The following LPIN1 variants were observed in gnomAD, a reference collection of about 807,000 sequenced individuals.
The protein encoded by LPIN1 is lipin 1, also known as phosphatidate phosphatase LPIN1.
LPIN1 carries 71 observed loss-of-function variants against 107.5 expected under a neutral mutation model. The ratio of observed to expected loss-of-function variants is 0.66; its 90% CI spans 0.55 to 0.80. The LOEUF (loss-of-function observed/expected upper bound fraction) is 0.80. Ranked by LOEUF, LPIN1 falls within the 30% of genes least tolerant of loss-of-function variation. The pLI is 0.00. For missense variants in LPIN1, 1,043 were observed against 1,160.6 expected, an observed-to-expected ratio of 0.90 and a Z score of 1.47; for synonymous variants, 445 against 452.6, an observed-to-expected ratio of 0.98 and a Z score of 0.21.
At chr2:11,822,187 T>G (rs1681640316) in intron 20 of LPIN1, among the ~76,000 whole-genome samples, 2 of 151,442 alleles carry the variant, frequency 1.3e-5, no homozygotes, top group African/African-American at 4.9e-5. Context: ...TCCCAGCACT[T>G]TGGGAGGCCG....
chr2:11,798,949 T>C (rs540434479), intron 14 of LPIN1, among the ~76,000 whole-genome samples: 6 of 152,368 alleles, frequency 3.9e-5, no homozygotes, highest in African/African-American at 1.4e-4. Flanking sequence ...CAGCTACTCT[T>C]CTGTGCACAC....
intron 17 of LPIN1, among the ~76,000 whole-genome samples, chr2:11,814,094 G>A (rs1487423124): frequency 2.0e-5 from 3 of 152,100 alleles, no homozygotes; most frequent in Middle Eastern, 3.2e-3. Context: ...AACCCTGGGC[G>A]CTTGTGCGTT....
upstream of LPIN1, chr2:11,722,624 T>C (rs926369287): frequency 6.6e-6 from 1 of 152,260 alleles, no homozygotes; most frequent in African/African-American, 2.4e-5. Flanking sequence ...GATCTTACTC[T>C]ACTAAGGCTG....
chr2:11,819,688 T>G, intron 19 of LPIN1, 90 bp downstream of exon 19: 1 of 938,142 alleles, frequency 1.1e-6, no homozygotes, highest in Non-Finnish European at 1.8e-6. Flanking sequence ...GAACCATATG[T>G]AGAGTCAGAT....
chr2:11,822,850 C>A (rs1011645146), intron 20 of LPIN1, among the ~76,000 whole-genome samples: 1 of 152,200 alleles, frequency 6.6e-6, no homozygotes. Flanking sequence ...GTGGCCTCTG[C>A]GGTCATTGCA....
chr2:11,799,676 A>G (rs922588198), intron 14 of LPIN1, among the ~76,000 whole-genome samples: 5 of 151,684 alleles, frequency 3.3e-5, no homozygotes, highest in African/African-American at 9.7e-5. Flanking sequence ...ATTTCCTAGG[A>G]TGAGGCCTTT....
In LPIN1 at chr2:11,718,969, T is replaced by A. The variant is rs201784599; in HGVS notation, c.138+5157T>A. ...TCTCTTTTATCTTCTATTGCCCGAC[T>A]TTTTTGGTCTGTGATTTGGCAGATT... is the stretch of plus-strand genomic sequence containing the variant. On this transcript the variant is annotated intron_variant, in intron 2 of 21. Transcript: ENST00000449576. 3.3e-3 allele frequency among the ~76,000 whole-genome samples: 501 copies of A among 152,348 alleles called. 7 individuals are homozygous for A. In the East Asian group the frequency reaches 0.059, roughly 18 times the overall value.
At chr2:11,752,358 C>G (rs1328188063) in intron 1 of LPIN1, among the ~76,000 whole-genome samples, 1 of 150,908 alleles carries the variant, frequency 6.6e-6, no homozygotes, top group Non-Finnish European at 1.5e-5. Context: ...TTGAATATCT[C>G]TCTCATATAT....
At chr2:11,783,537 A>C (rs1336876764) in intron 8 of LPIN1, among the ~76,000 whole-genome samples, 1 of 152,170 alleles carries the variant, frequency 6.6e-6, no homozygotes, top group Non-Finnish European at 1.5e-5. Flanking sequence ...GGTACCTACA[A>C]GTGTGACCTC....
intron 17 of LPIN1, among the ~76,000 whole-genome samples, chr2:11,813,775 G>A (rs190080359): frequency 1.2e-4 from 19 of 152,182 alleles, no homozygotes; most frequent in African/African-American, 2.4e-4. Flanking sequence ...ATTAGCCGGC[G>A]TGGTGGTGCA....
chr2:11,726,372 G>A (rs1664654118), intron 1 of LPIN1, among the ~76,000 whole-genome samples: 1 of 152,154 alleles, frequency 6.6e-6, no homozygotes, highest in South Asian at 2.1e-4. Flanking sequence ...ATAGGGCTGT[G>A]TGATAACCTG....
chr2:11,772,877 C>T (rs1437114346), intron 4 of LPIN1, among the ~76,000 whole-genome samples: 7 of 152,068 alleles, frequency 4.6e-5, no homozygotes, highest in African/African-American at 9.7e-5. Flanking sequence ...TATCTTTTTT[C>T]GTGGTGAAAA....
rs539385636 is a variant in LPIN1 at position 11,747,537 on chromosome 2, C to T, written c.-10+866C>T. ...GAGATGTTTTAGAACCCGGCAGTTT[C>T]CCACAGGATAGAAGTGTTTTGGGAA... On this transcript the variant is annotated intron_variant, in intron 1 of 20. Transcript: ENST00000674199. Among the ~76,000 whole-genome samples the T allele has an allele frequency of 1.1e-3, 171 of 152,290 alleles. 2 individuals carry two copies. Among genetic ancestry groups the T allele is most frequent in the Non-Finnish European group, 1.4e-3 (98 of 68,022 alleles).
At chr2:11,712,345 C>T (rs1397621055) in intron 1 of LPIN1, among the ~76,000 whole-genome samples, 7 of 152,210 alleles carry the variant, frequency 4.6e-5, no homozygotes, top group African/African-American at 1.2e-4. Flanking sequence ...GCAGAAGGCA[C>T]GAACCTTCCC....
intron 1 of LPIN1, among the ~76,000 whole-genome samples, chr2:11,693,821 T>C (rs1558723879): frequency 7.6e-5 from 2 of 26,256 alleles, no homozygotes; most frequent in African/African-American, 1.8e-4. Context: ...TATATATATA[T>C]ATTTTTTTTT....
At chr2:11,753,744 A>G (rs1174448774) in intron 1 of LPIN1, among the ~76,000 whole-genome samples, 2 of 152,376 alleles carry the variant, frequency 1.3e-5, no homozygotes, top group East Asian at 1.9e-4. Context: ...CTTTGCCGTA[A>G]GTGTAAATTA....
At chr2:11,752,492 C>T (rs919797731) in intron 1 of LPIN1, among the ~76,000 whole-genome samples, 8 of 127,526 alleles carry the variant, frequency 6.3e-5, no homozygotes, top group South Asian at 2.4e-4. Flanking sequence ...AGTGCAGTGG[C>T]GGGATCTCGG....
Position 11,826,606 on chromosome 2 carries a change from G to A in LPIN1, c.*1815G>A, listed in dbSNP as rs1422713605. On this transcript the variant is annotated 3_prime_UTR_variant, in exon 21 of 21. Transcript: ENST00000674199. The stretch of plus-strand genomic sequence containing the variant: ...TAAAGAGGCTATATTCATTCTTTAT[G>A]CAATGAGGGTATTTTTGAGTGAATT... The A allele has an allele frequency of 6.6e-6, 1 of 150,738 alleles. No homozygotes were observed. The highest frequency in any genetic ancestry group is 1.5e-5 in the Non-Finnish European group (1 of 67,894). 9.3% of individuals were successfully genotyped at this position (150,738 alleles called of 1,614,324 possible). A position where few individuals can be genotyped will look rare whatever the true frequency, so the allele number is the denominator to read the frequency against.
In LPIN1 at chr2:11,792,829, C is replaced by T. The variant is rs962237040; in HGVS notation, c.1806+823C>T. ...TTCTTTCAGATCTTCGTTGCCCTCT[C>T]CTCTATTTCTTGAAGCGCTTGCTTT... On this transcript the variant is annotated intron_variant, in intron 13 of 20. Coordinates refer to ENST00000674199, the MANE Select transcript of LPIN1 (RefSeq NM_001349206.2). 2.0e-5 allele frequency among the ~76,000 whole-genome samples: 3 copies of T among 152,174 alleles called. No individual in the cohort carries two copies. In the South Asian group the frequency reaches 6.2e-4, roughly 32 times the overall value.
Sources: gnomAD v4.1 joint callset for allele counts (sites outside exome capture counted in the v4.1 genomes callset) on GRCh38, gnomAD v4.1.1 for gene constraint, MANE v1.5 for transcripts, NCBI Gene and HGNC (gene_info 2026-07-23, HGNC 2026-07-21) for gene names.